Variants in PNPLA6 observed in about 807,000 individuals in gnomAD.
PNPLA6 encodes patatin-like phospholipase domain-containing protein 6.
In PNPLA6, 105 loss-of-function variants were observed where a neutral mutation model predicts 153.7. The ratio of observed to expected loss-of-function variants is 0.68; its 90% CI spans 0.58 to 0.80. The LOEUF (loss-of-function observed/expected upper bound fraction) is 0.80, where lower values mean the gene tolerates loss of function less well. Ranked by LOEUF, PNPLA6 falls within the 30% of genes least tolerant of loss-of-function variation. The pLI, the probability that PNPLA6 is intolerant of heterozygous loss-of-function variation, is 0.00. For missense variants in PNPLA6, 1,423 were observed against 1,919.3 expected (o/e 0.74, Z 4.83); for synonymous variants, 825 against 822.2 (o/e 1.00, Z -0.06).
intron 13 of PNPLA6, chr19:7,549,615 A>C (rs1013592649): frequency 2.2e-6 from 1 of 459,838 alleles, no homozygotes; most frequent in Non-Finnish European, 4.0e-6. Context: ...CAGCTTCCTG[A>C]GTAGCTGGAA....
rs1157625050 is a variant in PNPLA6, at chr19:7,557,028, G to A, written c.3281-140G>A. The stretch of plus-strand genomic sequence containing the variant: ...CTGCCCCTACCTGCCCCCACTGTGC[G>A]ACCCCAAGGACGGGCACCTGCTGGT... On this transcript the variant is annotated intron_variant, in intron 26 of 31. Coordinates refer to ENST00000600737, the MANE Select transcript of PNPLA6 (RefSeq NM_001166114.2). The A allele has an allele frequency of 5.9e-5, 48 of 810,052 alleles. No homozygotes were observed. The East Asian group carries it at 1.0e-3, about 17-fold the overall frequency. The allele number at this position is 810,052 out of a possible 1,614,324, so 50.2% of individuals were successfully genotyped here. A position where few individuals can be genotyped will look rare whatever the true frequency, so the allele number is the denominator to read the frequency against.
At chr19:7,547,811 A>ATTTT (rs71286227) in intron 13 of PNPLA6, among the ~76,000 whole-genome samples, 58 of 114,550 alleles carry the variant, frequency 5.1e-4, no homozygotes, top group African/African-American at 5.9e-4. Context: ...CTAATTAAAA[A>ATTTT]TTTTTTTTTT....
In PNPLA6 at chr19:7,542,777, C is replaced by T. The variant is rs375366178; in HGVS notation, c.1379C>T (p.Pro460Leu). The T allele has an allele frequency of 3.2e-5, 51 of 1,612,958 alleles. No individual in the cohort carries two copies. Among genetic ancestry groups the T allele is most frequent in the Non-Finnish European group, 4.1e-5 (48 of 1,179,882 alleles). The change falls in exon 12 of 32, where the codon CCT (proline) becomes CTT (leucine). Residue 460 changes from proline to leucine, a missense_variant. Physicochemically the swap from Pro to Leu is moderately conservative, Grantham distance 98. This residue lies in a region of PNPLA6 where 267 missense variants were observed against 255.1 expected (regional missense o/e 1.05). Coordinates refer to ENST00000600737, the MANE Select transcript of PNPLA6 (RefSeq NM_001166114.2). Reference sequence around the variant, plus strand: ...CCCACTCAGACCCCCACTCAGGAGCCTCGTGAGCAGCCGGCAGGCGCCTGT... The same window carrying T: ...CCCACTCAGACCCCCACTCAGGAGCTTCGTGAGCAGCCGGCAGGCGCCTGT... ...AAPARTPTQE[P>L]REQPAGACEY...
chr19:7,550,025 CG>C lies in PNPLA6; in HGVS notation c.1729del (p.Val577CysfsTer39), dbSNP rs1277016783. 10 of 1,614,026 alleles carry C rather than the reference CG, an allele frequency of 6.2e-6. No individual in the cohort carries two copies. Among genetic ancestry groups the C allele is most frequent in the Non-Finnish European group, 8.5e-6 (10 of 1,180,028 alleles). ...AQPGELVGQL[A>X]VLTGEPLIFT... ...CCCGGGGAACTGGTGGGGCAGCTGG[CG>C]GTGCTCACTGGCGAACCTCTCATCT... On this transcript the variant is annotated frameshift_variant, in exon 14 of 32. Transcript: ENST00000600737. LOFTEE classifies it high-confidence loss of function.
At position 7,555,546 on chromosome 19, in the gene PNPLA6, G is replaced by A; in HGVS notation, c.2937-61G>A. 1 of 1,569,454 alleles carries A rather than the reference G, an allele frequency of 6.4e-7. No individual in the cohort carries two copies. Among genetic ancestry groups the A allele is most frequent in the Non-Finnish European group, 8.7e-7 (1 of 1,148,278 alleles). ...GCAGTGCGGGAGGTGGGAGGAGGTA[G>A]GGGCAGGGGAGTTCCTGCAGGTGGG... is the stretch of plus-strand genomic sequence containing the variant. On this transcript the variant is annotated intron_variant, in intron 23 of 31. Transcript: ENST00000600737. The surrounding 1 kb of genome is among the most constrained non-coding windows in gnomAD (Gnocchi z 6.3).
chr19:7,535,575 A>T (rs767760553), upstream of PNPLA6: 1 of 1,605,378 alleles, frequency 6.2e-7, no homozygotes, highest in Non-Finnish European at 8.5e-7. The surrounding 1 kb of genome is among the most constrained non-coding windows in gnomAD (Gnocchi z 5.0). Context: ...GCAAACTGGA[A>T]TGGTAAGGGG....
intron 31 of PNPLA6, 71 bp from the exon 32 acceptor site, chr19:7,561,417 C>T: frequency 1.4e-6 from 2 of 1,436,384 alleles, no homozygotes; most frequent in Admixed American, 3.8e-5. Flanking sequence ...CCTGTGTGTG[C>T]TGGGTGCTGG....
At position 7,555,907 on chromosome 19, in the gene PNPLA6, T is replaced by G; in HGVS notation, c.3093+144T>G. The G allele has an allele frequency of 1.1e-6, 1 of 871,418 alleles. No individual in the cohort carries two copies. Among genetic ancestry groups the G allele is most frequent in the Non-Finnish European group, 1.8e-6 (1 of 545,980 alleles). 54.0% of individuals were successfully genotyped at this position (871,418 alleles called of 1,614,324 possible). ...TATGATCCCCAGCTGTCCGGACTTT[T>G]ATAGATAAGCTTCTAGGACTCTGGG... On this transcript the variant is annotated intron_variant, in intron 24 of 31. Coordinates refer to ENST00000600737, the MANE Select transcript of PNPLA6 (RefSeq NM_001166114.2). This position sits in a 1 kb window ranked among gnomAD's most constrained non-coding sequence, Gnocchi z 6.3.
chr19:7,543,700 G>T (rs778019368), intron 13 of PNPLA6, among the ~76,000 whole-genome samples: 2 of 152,162 alleles, frequency 1.3e-5, no homozygotes, highest in Non-Finnish European at 2.9e-5. Flanking sequence ...CCCACACTCT[G>T]TCCCCAGAGT....
chr19:7,554,115 G>A, intron 19 of PNPLA6, 94 bp from the exon 20 acceptor site: 3 of 1,576,136 alleles, frequency 1.9e-6, no homozygotes, highest in Non-Finnish European at 2.6e-6. Flanking sequence ...AGGGGAACAG[G>A]GCCACAGGGG....
In PNPLA6 at chr19:7,561,267, G is replaced by A. The variant is rs1269084486; in HGVS notation, c.3973G>A (p.Asp1325Asn). The change falls in exon 31 of 32, where the codon GAT (aspartate) becomes AAT (asparagine). Residue 1325 changes from aspartate to asparagine, a missense_variant. Asp to Asn is a conservative substitution (Grantham distance 23). This residue lies in a region of PNPLA6 where 643 missense variants were observed against 835.2 expected (regional missense o/e 0.77). Coordinates refer to ENST00000600737, the MANE Select transcript of PNPLA6 (RefSeq NM_001166114.2). ...EEDAGPDCSR[D>N]EGGSPEGASP... ...GGACGCCGGACCCGACTGCTCGAGG[G>A]ATGAAGGGGGGTCCCCCGAGGGCGC... The A allele has an allele frequency of 6.2e-7, 1 of 1,610,946 alleles. No homozygotes were observed. The highest frequency in any genetic ancestry group is 1.7e-5 in the Admixed American group (1 of 59,496).
rs1043088624 is a variant in PNPLA6, at chr19:7,560,951, C to T, written c.3817-63C>T. 20 of 998,822 alleles carry T rather than the reference C, an allele frequency of 2.0e-5. No homozygotes were observed. In the East Asian group the frequency reaches 5.2e-4, roughly 26 times the overall value. The allele number at this position is 998,822 out of a possible 1,614,324, so 61.9% of individuals were successfully genotyped here. A position where few individuals can be genotyped will look rare whatever the true frequency, so the allele number is the denominator to read the frequency against. ...TCTGAGCCCCCAATGCACCACTGGG[C>T]CCCCCAGGGGCCCCAAGACTCTGTG... On this transcript the variant is annotated intron_variant, in intron 29 of 31. Coordinates refer to ENST00000600737, the MANE Select transcript of PNPLA6 (RefSeq NM_001166114.2).
intron 26 of PNPLA6, 139 bp downstream of exon 26, chr19:7,556,863 C>T (rs1195141216): frequency 2.4e-5 from 18 of 741,520 alleles, no homozygotes; most frequent in East Asian, 2.1e-4. Context: ...GACCACTAAC[C>T]GCCACCCACT....
In PNPLA6 at chr19:7,540,597, G is replaced by A. The variant is rs1317975052; in HGVS notation, c.715-33G>A. 6.5e-7 allele frequency: 1 copy of A among 1,539,550 alleles called. No individual in the cohort carries two copies. The highest frequency in any genetic ancestry group is 1.1e-5 in the South Asian group (1 of 89,622). ...GCGACATGCCAGTCACCAGGGCGAG[G>A]CCACTGAGGGTCCACGGTCTCCTGT... On this transcript the variant is annotated intron_variant, in intron 5 of 31. Transcript: ENST00000600737. This position sits in a 1 kb window ranked among gnomAD's most constrained non-coding sequence, Gnocchi z 6.8.
chr19:7,551,451 G>A lies in PNPLA6; in HGVS notation c.2260+14G>A. On this transcript the variant is annotated intron_variant, in intron 18 of 31. Coordinates refer to ENST00000600737, the MANE Select transcript of PNPLA6 (RefSeq NM_001166114.2). ...GACCCTTCCCAGGTGAGAGCCGGCC[G>A]GCCCAGAGCGTGCTGGGAGATGTAG... The A allele has an allele frequency of 6.2e-7, 1 of 1,609,532 alleles. No homozygotes were observed. Among genetic ancestry groups the A allele is most frequent in the Non-Finnish European group, 8.5e-7 (1 of 1,175,968 alleles).
intron 27 of PNPLA6, among the ~76,000 whole-genome samples, chr19:7,558,402 C>T (rs910106251): frequency 3.3e-5 from 5 of 152,244 alleles, no homozygotes; most frequent in South Asian, 4.1e-4. Flanking sequence ...GAGGCTGAGG[C>T]GGGTGGATCA....
At chr19:7,552,854 G>A (rs116287023) in intron 18 of PNPLA6, among the ~76,000 whole-genome samples, 157 of 151,016 alleles carry the variant, frequency 1.0e-3, no homozygotes, top group African/African-American at 3.7e-3. Context: ...TCATCTTGCC[G>A]TGTGGCTGAA....
intron 27 of PNPLA6, among the ~76,000 whole-genome samples, chr19:7,558,451 G>T (rs942881205): frequency 9.9e-5 from 15 of 152,192 alleles, no homozygotes; most frequent in African/African-American, 3.4e-4. Context: ...GGCCAACATG[G>T]TGAAACCCGG....
Position 7,553,881 on chromosome 19 carries a change from G to C in PNPLA6, c.2267G>C (p.Gly756Ala). The change falls in exon 19 of 32, where the codon GGG (glycine) becomes GCG (alanine). Residue 756 changes from glycine to alanine, a missense_variant. By Grantham distance (60) the Gly-to-Ala change is moderately conservative. This residue lies in a region of PNPLA6 where 23 missense variants were observed against 21.2 expected (regional missense o/e 1.08). Coordinates refer to ENST00000600737, the MANE Select transcript of PNPLA6 (RefSeq NM_001166114.2). ...TCCATTGGGTTCTTAGCAGGCTCTG[G>C]GTTGGGTGTGCCCCCACACTCGGAA... ...QQLQGPFPGS[G>A]LGVPPHSELT... The C allele has an allele frequency of 6.2e-7, 1 of 1,614,240 alleles. No individual in the cohort carries two copies. The highest frequency in any genetic ancestry group is 8.5e-7 in the Non-Finnish European group (1 of 1,180,046).
Sources: allele counts gnomAD v4.1 joint callset (sites outside exome capture counted in the v4.1 genomes callset), GRCh38; gene constraint gnomAD v4.1.1; regional missense constraint gnomAD v4.1.1; non-coding constraint Gnocchi (gnomAD v3.1); transcripts MANE v1.5; gene names NCBI Gene and HGNC (gene_info 2026-07-23, HGNC 2026-07-21).